The following CHRNA9 variants were observed in gnomAD, a reference collection of about 807,000 sequenced individuals.
CHRNA9 encodes neuronal acetylcholine receptor subunit alpha-9.
In CHRNA9, 24 loss-of-function variants were observed where a neutral mutation model predicts 36.8. The observed-to-expected ratio is 0.65, with a 90% CI of 0.47 to 0.92. The LOEUF (loss-of-function observed/expected upper bound fraction) is 0.92. CHRNA9 is among the 40% of genes least tolerant of loss of function. The probability of loss-of-function intolerance (pLI) is 0.00; values close to 1 mark genes in which losing one functional copy is unlikely to be tolerated. For synonymous variants in CHRNA9, 231 were observed against 231.8 expected (o/e 1.00, Z 0.03); for missense variants, 610 against 601.2 (o/e 1.01, Z -0.15).
chr4:40,337,253 A>G lies in CHRNA9; in HGVS notation c.254A>G (p.Gln85Arg), dbSNP rs1400673184. 1.2e-6 allele frequency: 2 copies of G among 1,614,108 alleles called. No individual in the cohort carries two copies. The highest frequency in any genetic ancestry group is 3.3e-5 in the Admixed American group (2 of 60,008). Reference sequence around the variant, plus strand: ...CTGACTGCTTATTTGTGGATCCGCCAAATCTGGCACGATGCCTATCTCACG... The same window carrying G: ...CTGACTGCTTATTTGTGGATCCGCCGAATCTGGCACGATGCCTATCTCACG... Reference protein sequence around the residue: ...QILTAYLWIRQIWHDAYLTWD... With the variant: ...QILTAYLWIRRIWHDAYLTWD... The change falls in exon 3 of 5, where the codon CAA becomes CGA. Residue 85 changes from glutamine to arginine, a missense_variant. By Grantham distance (43) the Gln-to-Arg change is conservative. Transcript: ENST00000310169.
chr4:40,353,835 T>A, intron 4 of CHRNA9, 144 bp from the exon 5 acceptor site: 1 of 735,076 alleles, frequency 1.4e-6, no homozygotes, highest in Non-Finnish European at 2.2e-6. Flanking sequence ...TTTGTGTACA[T>A]ACACTCTTAT....
At position 40,335,432 on chromosome 4, in the gene CHRNA9, C is replaced by A; in HGVS notation, c.-36C>A. The stretch of plus-strand genomic sequence containing the variant: ...AGGGGGAAGTGGAAGACCACGCTGC[C>A]TGACTGAGACTTTATTATAGAGGCT... On this transcript the variant is annotated 5_prime_UTR_variant, in exon 1 of 5. The change creates a new upstream start codon in the 5' untranslated region. Transcript: ENST00000310169. 6.5e-7 allele frequency: 1 copy of A among 1,543,734 alleles called. No individual in the cohort carries two copies. The highest frequency in any genetic ancestry group is 9.0e-7 in the Non-Finnish European group (1 of 1,115,516).
Position 40,354,743 on chromosome 4 carries a change from C to A in CHRNA9, c.*223C>A. On this transcript the variant is annotated 3_prime_UTR_variant, in exon 5 of 5. Transcript: ENST00000310169. ...AGATGGAAGAAATAGGGAAAGAGCC[C>A]TTTTATAGCCCACCGTAGTGGTGGG... 1 of 487,234 alleles carries A rather than the reference C, an allele frequency of 2.1e-6. No homozygotes were observed. The highest frequency in any genetic ancestry group is 3.6e-6 in the Non-Finnish European group (1 of 274,484). 30.2% of individuals were successfully genotyped at this position (487,234 alleles called of 1,614,324 possible). A position where few individuals can be genotyped will look rare whatever the true frequency, so the allele number is the denominator to read the frequency against.
At chr4:40,335,661 C>A in intron 1 of CHRNA9, 130 bp downstream of exon 1, 2 of 1,001,678 alleles carry the variant, frequency 2.0e-6, no homozygotes, top group Non-Finnish European at 3.1e-6. Context: ...TTCCTACTGA[C>A]TCTGATCTTG....
At chr4:40,344,171 C>T (rs1009589724) in intron 3 of CHRNA9, among the ~76,000 whole-genome samples, 4 of 152,160 alleles carry the variant, frequency 2.6e-5, no homozygotes, top group Non-Finnish European at 4.4e-5. Context: ...GGAATGCAGC[C>T]CTGCTCACAT....
In CHRNA9 at chr4:40,337,165, T is replaced by C. The variant is rs763444225; in HGVS notation, c.211-45T>C. ...CAAGTGTCCTATCAGTGGAAAACAT[T>C]TCAAGTGTCTGCTAGGTAAAGCGAC... On this transcript the variant is annotated intron_variant, in intron 2 of 4. Coordinates refer to ENST00000310169, the MANE Select transcript of CHRNA9 (RefSeq NM_017581.4). The C allele has an allele frequency of 2.5e-6, 4 of 1,592,994 alleles. No individual in the cohort carries two copies. The African/African-American group carries it at 5.4e-5, about 21-fold the overall frequency.
chr4:40,349,431 T>G lies in CHRNA9; in HGVS notation c.898+17T>G. 1 of 1,602,252 alleles carries G rather than the reference T, an allele frequency of 6.2e-7. No individual in the cohort carries two copies. The highest frequency in any genetic ancestry group is 1.3e-5 in the African/African-American group (1 of 74,724). ...CCCTGATAGGTGAGTCCAAGTGTCT[T>G]CCACTTCAAGCCCAGCTTTGTAGTG... On this transcript the variant is annotated intron_variant, in intron 4 of 4. Coordinates refer to ENST00000310169, the MANE Select transcript of CHRNA9 (RefSeq NM_017581.4).
In CHRNA9 at chr4:40,349,076, A is replaced by G. The variant is rs752356465; in HGVS notation, c.560A>G (p.Asn187Ser). The change falls in exon 4 of 5, where the codon AAC becomes AGC. Residue 187 changes from asparagine (N) to serine (S), a missense_variant. Coordinates refer to ENST00000310169, the MANE Select transcript of CHRNA9 (RefSeq NM_017581.4). ...AATGGCAATCAGGTGGACATATTCA[A>G]CGCCTTGGACAGCGGAGATCTCTCT... ...TYNGNQVDIF[N>S]ALDSGDLSDF... 6.2e-7 allele frequency: 1 copy of G among 1,614,170 alleles called. No individual in the cohort carries two copies. Among genetic ancestry groups the G allele is most frequent in the Non-Finnish European group, 8.5e-7 (1 of 1,180,022 alleles).
chr4:40,348,730 G>A, intron 3 of CHRNA9, 152 bp from the exon 4 acceptor site: 1 of 673,808 alleles, frequency 1.5e-6, no homozygotes, highest in South Asian at 1.9e-5. Context: ...GGACAAATTA[G>A]AGTTGATTCC....
intron 4 of CHRNA9, among the ~76,000 whole-genome samples, chr4:40,350,726 A>ACACACACACC (rs1453479700): frequency 1.3e-5 from 2 of 148,156 alleles, no homozygotes; most frequent in East Asian, 2.0e-4. Flanking sequence ...ACACACACAC[A>ACACACACACC]CCTCTCTTTT....
chr4:40,343,804 A>G (rs1712564843), intron 3 of CHRNA9, among the ~76,000 whole-genome samples: 1 of 152,254 alleles, frequency 6.6e-6, no homozygotes, highest in Non-Finnish European at 1.5e-5. Flanking sequence ...CATATTGGCC[A>G]CTTACTATGT....
intron 4 of CHRNA9, among the ~76,000 whole-genome samples, chr4:40,352,085 T>G (rs1432636439): frequency 1.3e-5 from 2 of 152,238 alleles, no homozygotes; most frequent in African/African-American, 2.4e-5. Flanking sequence ...AAATTATTTT[T>G]GGGCCTGGAA....
chr4:40,354,057 G>C lies in CHRNA9; in HGVS notation c.977G>C (p.Cys326Ser). ...ATCATGGTGATGAATATCCACTTCT[G>C]TGGGGCCGAGGCCCGGCCGGTGCCA... ...LTIMVMNIHF[C>S]GAEARPVPHW... The change falls in exon 5 of 5, where the codon TGT becomes TCT. Residue 326 changes from cysteine to serine, a missense_variant. Physicochemically the swap from Cys to Ser is moderately radical, Grantham distance 112. Transcript: ENST00000310169. 6.2e-7 allele frequency: 1 copy of C among 1,614,180 alleles called. No homozygotes were observed. The highest frequency in any genetic ancestry group is 8.5e-7 in the Non-Finnish European group (1 of 1,180,036).
chr4:40,338,022 G>A (rs570696660), intron 3 of CHRNA9: 7 of 152,162 alleles, frequency 4.6e-5, no homozygotes, highest in Admixed American at 4.6e-4. Flanking sequence ...GAGTGTTGGG[G>A]GCTAAGACTT....
intron 3 of CHRNA9, among the ~76,000 whole-genome samples, chr4:40,340,960 A>AAGATAAGC (rs141333266): frequency 0.12 from 15,983 of 138,978 alleles, 1,141 homozygotes; most frequent in African/African-American, 0.13. Flanking sequence ...AGCCAAAGGG[A>AAGATAAGC]AGATAAGCTC....
chr4:40,337,148 C>T lies in CHRNA9; in HGVS notation c.211-62C>T, dbSNP rs111248915. The T allele has an allele frequency of 1.4e-5, 21 of 1,477,122 alleles. No individual in the cohort carries two copies. In the African/African-American group the frequency reaches 1.5e-4, roughly 11 times the overall value. 91.5% of individuals were successfully genotyped at this position (1,477,122 alleles called of 1,614,324 possible). The stretch of plus-strand genomic sequence containing the variant: ...ATTCCTATTGTGAAGAACAAGTGTC[C>T]TATCAGTGGAAAACATTTCAAGTGT... On this transcript the variant is annotated intron_variant, in intron 2 of 4. Coordinates refer to ENST00000310169, the MANE Select transcript of CHRNA9 (RefSeq NM_017581.4).
chr4:40,338,538 A>G (rs1712392580), intron 3 of CHRNA9, among the ~76,000 whole-genome samples: 1 of 152,052 alleles, frequency 6.6e-6, no homozygotes, highest in Non-Finnish European at 1.5e-5. Context: ...GCTCAGACCT[A>G]TGTGAATGAG....
chr4:40,340,083 C>G (rs893332481), intron 3 of CHRNA9, among the ~76,000 whole-genome samples: 2 of 152,154 alleles, frequency 1.3e-5, no homozygotes, highest in African/African-American at 2.4e-5. Flanking sequence ...TGCTTCTTTG[C>G]AAGCTTACAA....
intron 3 of CHRNA9, among the ~76,000 whole-genome samples, chr4:40,339,962 C>T (rs143259638): frequency 2.6e-4 from 40 of 152,262 alleles, no homozygotes; most frequent in African/African-American, 8.9e-4. Flanking sequence ...CTGCTGTGCC[C>T]GGCCAGCATT....
Sources: allele counts gnomAD v4.1 joint callset (sites outside exome capture counted in the v4.1 genomes callset), GRCh38; gene constraint gnomAD v4.1.1; transcripts MANE v1.5; gene names NCBI Gene and HGNC (gene_info 2026-07-23, HGNC 2026-07-21).